The following VEZF1 variants were observed in gnomAD, a reference collection of about 807,000 sequenced individuals.
The protein encoded by VEZF1 is putative transcription factor DB1.
In VEZF1, 5 loss-of-function variants were observed where a neutral mutation model predicts 44.1. The observed-to-expected ratio is 0.11, with a 90% confidence interval of 0.06 to 0.24. The LOEUF (loss-of-function observed/expected upper bound fraction) is 0.24, where lower values mean the gene tolerates loss of function less well. Among genes scored for constraint, VEZF1 ranks in the 10% least tolerant of loss-of-function variants. VEZF1 has a pLI of 1.00. For synonymous variants in VEZF1, 236 were observed against 233.1 expected (o/e 1.01, Z -0.11); for missense variants, 358 against 641.8 (o/e 0.56, Z 4.78).
chr17:57,981,135 A>G (rs2075246399), intron 3 of VEZF1, among the ~76,000 whole-genome samples: 2 of 152,224 alleles, frequency 1.3e-5, no homozygotes. Flanking sequence ...AATGGGGATA[A>G]CATCTCTCAC....
Position 57,973,974 on chromosome 17 carries a change from A to G in VEZF1, c.*499T>C, listed in dbSNP as rs1422903902. ...GTAAAATGCATATTCTCTGAAATGC[A>G]TTTTATTATGACAATGCATGTATTT... On this transcript the variant is annotated 3_prime_UTR_variant, in exon 6 of 6. Transcript: ENST00000581208. 6.3e-6 allele frequency: 1 copy of G among 159,114 alleles called. No homozygotes were observed. Among genetic ancestry groups the G allele is most frequent in the African/African-American group, 2.4e-5 (1 of 41,490 alleles). The allele number at this position is 159,114 out of a possible 1,614,324, so 9.9% of individuals were successfully genotyped here.
In VEZF1 at chr17:57,988,062, G is replaced by T; in HGVS notation, c.33+17C>A. 6.3e-6 allele frequency: 2 copies of T among 319,176 alleles called. No individual in the cohort carries two copies. The highest frequency in any genetic ancestry group is 9.6e-6 in the Non-Finnish European group (2 of 209,166). 19.8% of individuals were successfully genotyped at this position (319,176 alleles called of 1,614,324 possible). On this transcript the variant is annotated intron_variant, in intron 1 of 5. Transcript: ENST00000581208. ...CCCCCTGTCCCCCCCGTGCCCCCCCGGGGGGGCCCCCAGTACCTGGAACAG... is the reference window on the plus strand; with the variant it reads ...CCCCCTGTCCCCCCCGTGCCCCCCCTGGGGGGCCCCCAGTACCTGGAACAG...
Position 57,985,160 on chromosome 17 carries a change from C to T in VEZF1, c.34-1767G>A, listed in dbSNP as rs2075283895. 1.7e-5 allele frequency: 13 copies of T among 748,932 alleles called. No individual in the cohort carries two copies. The South Asian group carries it at 2.7e-4, about 16-fold the overall frequency. 46.4% of individuals were successfully genotyped at this position (748,932 alleles called of 1,614,324 possible). A position where few individuals can be genotyped will look rare whatever the true frequency, so the allele number is the denominator to read the frequency against. On this transcript the variant is annotated intron_variant, in intron 1 of 5. Transcript: ENST00000581208. ...CTAACAGATCAGATAATAGGGAATGCAGATCTTCTGGACAAAGTTCAGACT... is the reference window on the plus strand; with the variant it reads ...CTAACAGATCAGATAATAGGGAATGTAGATCTTCTGGACAAAGTTCAGACT...
intron 5 of VEZF1, 72 bp downstream of exon 5, chr17:57,979,080 C>T (rs2075219716): frequency 1.3e-6 from 2 of 1,551,202 alleles, no homozygotes; most frequent in African/African-American, 1.4e-5. Context: ...GGCTTCTCTA[C>T]TTTGATCACT....
At chr17:57,974,927 A>T in intron 5 of VEZF1, 27 bp from the exon 6 acceptor site, 1 of 1,587,010 alleles carries the variant, frequency 6.3e-7, no homozygotes, top group Non-Finnish European at 8.6e-7. Flanking sequence ...AAGGGTCTTT[A>T]GATTCTCAAA....
At chr17:57,981,849 AG>A in intron 3 of VEZF1, 23 bp downstream of exon 3, 2 of 1,607,924 alleles carry the variant, frequency 1.2e-6, no homozygotes, top group Non-Finnish European at 1.7e-6. Context: ...TGCTACACTA[AG>A]GATAAGTCAT....
intron 4 of VEZF1, among the ~76,000 whole-genome samples, 154 bp downstream of exon 4, chr17:57,980,449 C>CATTA (rs2143346484): frequency 6.6e-6 from 1 of 152,368 alleles, no homozygotes; most frequent in South Asian, 2.1e-4. Context: ...ATAGTTCTGA[C>CATTA]ATTAATATAC....
Position 57,979,992 on chromosome 17 carries a change from C to CA in VEZF1, c.976+610dup, listed in dbSNP as rs1230250395. On this transcript the variant is annotated intron_variant, in intron 4 of 5. Coordinates refer to ENST00000581208, the MANE Select transcript of VEZF1 (RefSeq NM_007146.3). ...TCTCAAAAAAAAAAAAAAAAAAAAACAAAAAAAACAGAAGTGAATGCTTAT... is the reference window on the plus strand; with the variant it reads ...TCTCAAAAAAAAAAAAAAAAAAAAACAAAAAAAAACAGAAGTGAATGCTTAT... Among the ~76,000 whole-genome samples the CA allele has an allele frequency of 1.1e-4, 13 of 122,442 alleles. No individual in the cohort carries two copies. In the East Asian group the frequency reaches 2.2e-3, roughly 21 times the overall value. The allele number at this position is 122,442 out of a possible 152,430, so 80.3% of individuals were successfully genotyped here. A position where few individuals can be genotyped will look rare whatever the true frequency, so the allele number is the denominator to read the frequency against.
chr17:57,981,200 T>C (rs2075246903), intron 3 of VEZF1, among the ~76,000 whole-genome samples: 1 of 152,214 alleles, frequency 6.6e-6, no homozygotes, highest in Non-Finnish European at 1.5e-5. Context: ...ACTCACTCAA[T>C]GACACTAGCT....
At chr17:57,980,540 T>C in intron 4 of VEZF1, 63 bp downstream of exon 4, 1 of 1,494,224 alleles carries the variant, frequency 6.7e-7, no homozygotes, top group Non-Finnish European at 9.3e-7. Flanking sequence ...TGATACAATA[T>C]GAAAACATGC....
chr17:57,983,270 G>C lies in VEZF1; in HGVS notation c.157C>G (p.Gln53Glu). Residue 53 changes from glutamine (Q) to glutamate (E), a missense_variant, in exon 2 of 6, where the codon CAG becomes GAG. This residue lies in a region of VEZF1 where 117 missense variants were observed against 207.2 expected (regional missense o/e 0.56). Coordinates refer to ENST00000581208, the MANE Select transcript of VEZF1 (RefSeq NM_007146.3). ...TCCTTTAATGTTTCTGGTGCACCCT[G>C]AGGTTTCTGAGTTATTGGTATTGGA... ...LLPIPITQKP[Q>E]GAPETLKDAI... The C allele has an allele frequency of 6.2e-7, 1 of 1,614,084 alleles. No homozygotes were observed. The highest frequency in any genetic ancestry group is 8.5e-7 in the Non-Finnish European group (1 of 1,180,022).
intron 1 of VEZF1, among the ~76,000 whole-genome samples, chr17:57,984,089 A>C (rs1046360654): frequency 2.6e-5 from 4 of 152,232 alleles, no homozygotes; most frequent in African/African-American, 9.6e-5. Context: ...TTGTATACTG[A>C]AGTCTGCATC....
chr17:57,979,551 C>A (rs1237278129), intron 4 of VEZF1, among the ~76,000 whole-genome samples: 10 of 136,642 alleles, frequency 7.3e-5, no homozygotes, highest in Non-Finnish European at 9.4e-5. Flanking sequence ...AAAAAAAAAC[C>A]ATCAAAAAAA....
In VEZF1 at chr17:57,988,112, G is replaced by T; in HGVS notation, c.-1C>A. The stretch of plus-strand genomic sequence containing the variant: ...GGAACGCGGTCCAGTTGGCCTCCAT[G>T]GCTGCGGCGGCCGACCCCCCTCCTC... On this transcript the variant is annotated 5_prime_UTR_variant, in exon 1 of 6. Transcript: ENST00000581208. 1 of 845,932 alleles carries T rather than the reference G, an allele frequency of 1.2e-6. No individual in the cohort carries two copies. Among genetic ancestry groups the T allele is most frequent in the Non-Finnish European group, 1.5e-6 (1 of 661,312 alleles). 52.4% of individuals were successfully genotyped at this position (845,932 alleles called of 1,614,324 possible).
rs188903264 is a variant in VEZF1 at position 57,979,404 on chromosome 17, T to C, written c.977-91A>G. 794 of 1,551,016 alleles carry C rather than the reference T, an allele frequency of 5.1e-4. 5 individuals are homozygous for C. The African/African-American group carries it at 0.01, about 20-fold the overall frequency. ...TTGACTTCTCATGCTTCTGTGATCT[T>C]AACCATTTAACCTGATAGCTCTTAG... On this transcript the variant is annotated intron_variant, in intron 4 of 5. Transcript: ENST00000581208.
rs1373876161 is a variant in VEZF1 at position 57,974,535 on chromosome 17, T to C, written c.1504A>G (p.Met502Val). Residue 502 changes from methionine to valine, a missense_variant, in exon 6 of 6, where the codon ATG becomes GTG. Coordinates refer to ENST00000581208, the MANE Select transcript of VEZF1 (RefSeq NM_007146.3). ...AAAGGCATGCTCTCTACAGGTCTCA[T>C]TGCTATATTGAGAGGGGCGGCTAAT... ...MTLAAPLNIAMRPVESMPFLP... is the reference protein window; with the variant it reads ...MTLAAPLNIAVRPVESMPFLP... 25 of 1,614,056 alleles carry C rather than the reference T, an allele frequency of 1.5e-5. No individual in the cohort carries two copies. The highest frequency in any genetic ancestry group is 2.2e-5 in the East Asian group (1 of 44,904).
At position 57,973,025 on chromosome 17, in the gene VEZF1, A is replaced by G. The variant is rs2075152099; in HGVS notation, c.*1448T>C. On this transcript the variant is annotated 3_prime_UTR_variant, in exon 6 of 6. Coordinates refer to ENST00000581208, the MANE Select transcript of VEZF1 (RefSeq NM_007146.3). ...TTTCTCTTAACTGCAATGATTAAAA[A>G]ATGAAAAAAACCAAAAACATATTGC... The G allele has an allele frequency of 6.6e-6, 1 of 152,356 alleles. No homozygotes were observed. The highest frequency in any genetic ancestry group is 2.4e-5 in the African/African-American group (1 of 41,462). 9.4% of individuals were successfully genotyped at this position (152,356 alleles called of 1,614,324 possible).
Position 57,979,243 on chromosome 17 carries a change from TTGCTGC to T in VEZF1, c.1041_1046del (p.Gln353_Gln354del), listed in dbSNP as rs57786397. On this transcript the variant is annotated inframe_deletion, in exon 5 of 6. Transcript: ENST00000581208. Reference sequence around the variant, plus strand: ...TTGTCACATGTTGTTGTTGTTGTTGTTGCTGCTGCTGCTGCTGCTGCTGCTGCTGCT... The same window carrying T: ...TTGTCACATGTTGTTGTTGTTGTTGTTGCTGCTGCTGCTGCTGCTGCTGCT... 7.3e-4 allele frequency: 1,162 copies of T among 1,596,984 alleles called. No individual in the cohort carries two copies. The highest frequency in any genetic ancestry group is 1.9e-3 in the African/African-American group (143 of 73,804).
chr17:57,986,506 G>C (rs989590126), intron 1 of VEZF1, among the ~76,000 whole-genome samples: 13 of 152,114 alleles, frequency 8.5e-5, no homozygotes, highest in African/African-American at 2.9e-4. Flanking sequence ...TTTCAAGTTG[G>C]TTTATCACAT....
Sources: gnomAD v4.1 joint callset for allele counts (sites outside exome capture counted in the v4.1 genomes callset) on GRCh38, gnomAD v4.1.1 for gene constraint, gnomAD v4.1.1 regional missense constraint, MANE v1.5 for transcripts, NCBI Gene and HGNC (gene_info 2026-07-23, HGNC 2026-07-21) for gene names.